Variants in AFF3 observed in about 807,000 individuals in gnomAD.
AFF3 encodes the protein AF4/FMR2 family member 3.
Under a neutral mutation model 129.7 loss-of-function variants are expected in AFF3, and 32 were observed. That is an observed-to-expected ratio of 0.25 (90% confidence interval 0.19 to 0.33). AFF3 has a LOEUF of 0.33. AFF3 is among the 10% of genes least tolerant of loss of function. The pLI is 1.00. For missense variants in AFF3, 1,373 were observed against 1,592.0 expected, an observed-to-expected ratio of 0.86 and a Z score of 2.34; for synonymous variants, 644 against 635.4, an observed-to-expected ratio of 1.01 and a Z score of -0.20.
At chr2:99,773,791 C>T (rs1489871761) in intron 8 of AFF3, among the ~76,000 whole-genome samples, 1 of 152,200 alleles carries the variant, frequency 6.6e-6, no homozygotes, top group African/African-American at 2.4e-5. Flanking sequence ...GTCAAATTAT[C>T]TTTGTTTGCA....
intron 8 of AFF3, among the ~76,000 whole-genome samples, chr2:99,829,623 T>G (rs1479747846): frequency 2.6e-5 from 4 of 152,188 alleles, no homozygotes; most frequent in Admixed American, 1.3e-4. Flanking sequence ...CATTAAAAAG[T>G]CAGGCAACAG....
intron 2 of AFF3, chr2:100,109,932 C>T (rs1322030275): frequency 6.6e-6 from 1 of 152,150 alleles, no homozygotes; most frequent in African/African-American, 2.4e-5. Flanking sequence ...TTCTCATGCT[C>T]ACAGGCACTG....
At chr2:99,649,919 G>A (rs1208394370) in intron 12 of AFF3, among the ~76,000 whole-genome samples, 2 of 152,146 alleles carry the variant, frequency 1.3e-5, no homozygotes, top group African/African-American at 4.8e-5. Flanking sequence ...TGTCGGGGGG[G>A]CAAAGGACTG....
intron 7 of AFF3, among the ~76,000 whole-genome samples, chr2:99,991,103 T>C (rs1321436721): frequency 6.6e-6 from 1 of 152,136 alleles, no homozygotes; most frequent in African/African-American, 2.4e-5. Context: ...CACCTGCCCC[T>C]ACCCAGTCTT....
At chr2:99,749,952 T>C (rs537568252) in intron 9 of AFF3, among the ~76,000 whole-genome samples, 1 of 152,272 alleles carries the variant, frequency 6.6e-6, no homozygotes, top group African/African-American at 2.4e-5. Flanking sequence ...ATTACACTGA[T>C]AGTATTATAA....
intron 7 of AFF3, among the ~76,000 whole-genome samples, chr2:99,878,855 C>T (rs1692484813): frequency 6.6e-6 from 1 of 152,098 alleles, no homozygotes; most frequent in South Asian, 2.1e-4. Context: ...GAGATTTAAA[C>T]AATAGCCCTT....
chr2:100,045,266 C>T (rs1185477255), intron 4 of AFF3, among the ~76,000 whole-genome samples: 2 of 152,288 alleles, frequency 1.3e-5, no homozygotes, highest in Admixed American at 6.5e-5. Context: ...CAGCTGAGTG[C>T]CGCAGTTACT....
At chr2:100,061,544 G>C (rs959083806) in intron 4 of AFF3, among the ~76,000 whole-genome samples, 1 of 152,156 alleles carries the variant, frequency 6.6e-6, no homozygotes, top group African/African-American at 2.4e-5. Context: ...ACAGGAGTCA[G>C]AGAAAGGAGA....
At chr2:99,691,223 A>G (rs13013646) in intron 11 of AFF3, among the ~76,000 whole-genome samples, 28,051 of 152,114 alleles carry the variant, frequency 0.18, 2,901 homozygotes, top group South Asian at 0.27. Context: ...GACCCAAACC[A>G]GGCTGTGCTC....
intron 12 of AFF3, among the ~76,000 whole-genome samples, chr2:99,651,001 C>A (rs1344031986): frequency 6.6e-6 from 1 of 151,892 alleles, no homozygotes; most frequent in African/African-American, 2.4e-5. Flanking sequence ...GGGAGAAACC[C>A]CGTCTCTACT....
chr2:99,764,267 A>T (rs143467533), intron 8 of AFF3, among the ~76,000 whole-genome samples: 226 of 152,202 alleles, frequency 1.5e-3, no homozygotes, highest in African/African-American at 5.0e-3. Flanking sequence ...TGGAGACCCT[A>T]CCTTTCACCT....
chr2:99,661,966 C>A (rs1309368479), intron 12 of AFF3, among the ~76,000 whole-genome samples: 1 of 152,086 alleles, frequency 6.6e-6, no homozygotes, highest in Non-Finnish European at 1.5e-5. Flanking sequence ...GCGGTGAAAC[C>A]CCGTCTCTAC....
At position 100,083,413 on chromosome 2, in the gene AFF3, C is replaced by T. The variant is rs557983381; in HGVS notation, c.53+20989G>A. ...TGTGCTTATGACCTGGACAGGTCAC[C>T]GCAAGCCCCTGCTGGTCCAGGCAGT... On this transcript the variant is annotated intron_variant, in intron 4 of 24. Coordinates refer to ENST00000672756, the MANE Select transcript of AFF3 (RefSeq NM_001386135.1). Among the ~76,000 whole-genome samples, 287 of 152,290 alleles carry T rather than the reference C, an allele frequency of 1.9e-3. 3 individuals are homozygous for T. The highest frequency in any genetic ancestry group is 6.4e-3 in the African/African-American group (268 of 41,560).
At chr2:99,907,451 TA>T (rs1420592230) in intron 7 of AFF3, among the ~76,000 whole-genome samples, 1 of 152,182 alleles carries the variant, frequency 6.6e-6, no homozygotes, top group Non-Finnish European at 1.5e-5. Flanking sequence ...CTCTTCAGGT[TA>T]AATAACCCAC....
intron 8 of AFF3, among the ~76,000 whole-genome samples, chr2:99,768,950 T>C (rs1271319318): frequency 6.6e-6 from 1 of 152,222 alleles, no homozygotes; most frequent in African/African-American, 2.4e-5. Flanking sequence ...CTTTGGGAGT[T>C]TGATTATTAA....
At chr2:99,813,376 T>TAA (rs1183376522) in intron 8 of AFF3, among the ~76,000 whole-genome samples, 1 of 152,220 alleles carries the variant, frequency 6.6e-6, no homozygotes, top group Non-Finnish European at 1.5e-5. Context: ...AAGAGCTCTT[T>TAA]AAGTAGTAGT....
chr2:99,755,095 T>C (rs571830317), intron 8 of AFF3, among the ~76,000 whole-genome samples: 3 of 152,124 alleles, frequency 2.0e-5, no homozygotes, highest in South Asian at 4.2e-4. Context: ...ACACATTCTC[T>C]TAGCTTGCTG....
intron 7 of AFF3, among the ~76,000 whole-genome samples, chr2:99,873,802 T>A (rs1032591919): frequency 1.3e-5 from 2 of 151,898 alleles, no homozygotes; most frequent in South Asian, 2.1e-4. Flanking sequence ...CTGAGAACAT[T>A]CCTGGTTATT....
intron 8 of AFF3, among the ~76,000 whole-genome samples, chr2:99,753,035 A>G (rs1040744449): frequency 2.6e-5 from 4 of 152,320 alleles, no homozygotes; most frequent in African/African-American, 9.6e-5. Context: ...TTACAGAATT[A>G]CATTGATTTC....
Sources: gnomAD v4.1 joint callset for allele counts (sites outside exome capture counted in the v4.1 genomes callset) on GRCh38, gnomAD v4.1.1 for gene constraint, MANE v1.5 for transcripts, NCBI Gene and HGNC (gene_info 2026-07-23, HGNC 2026-07-21) for gene names.